The following NRG1 variants were observed in gnomAD, a reference collection of about 807,000 sequenced individuals.
NRG1 encodes neuregulin 1, also known as pro-neuregulin-1, membrane-bound isoform.
In NRG1, 18 loss-of-function variants were observed where a neutral mutation model predicts 63.8. That is an observed-to-expected ratio of 0.28 (90% CI 0.19 to 0.42). The LOEUF (loss-of-function observed/expected upper bound fraction) is 0.42, where lower values mean the gene tolerates loss of function less well. Ranked by LOEUF, NRG1 falls within the 10% of genes least tolerant of loss-of-function variation. The pLI is 1.00. For synonymous variants in NRG1, 302 were observed against 301.3 expected (o/e 1.00, Z -0.02); for missense variants, 762 against 814.7 (o/e 0.94, Z 0.79).
intron 1 of NRG1, among the ~76,000 whole-genome samples, chr8:31,814,317 T>A (rs1823223021): frequency 6.6e-6 from 1 of 152,192 alleles, no homozygotes; most frequent in Non-Finnish European, 1.5e-5. Flanking sequence ...GTGGGTCAGT[T>A]AGTTCTCCAG....
chr8:32,323,167 T>C (rs1170423295), intron 1 of NRG1, among the ~76,000 whole-genome samples: 5 of 152,124 alleles, frequency 3.3e-5, no homozygotes, highest in Non-Finnish European at 5.9e-5. Context: ...AGATTCCTCC[T>C]CCCTTCCCTC....
At chr8:31,656,187 T>A (rs1585439624) in intron 1 of NRG1, among the ~76,000 whole-genome samples, 1 of 152,154 alleles carries the variant, frequency 6.6e-6, no homozygotes, top group East Asian at 1.9e-4. Context: ...AACAGCCACC[T>A]TTAAAGGTGA....
At chr8:32,174,576 T>A (rs188292331) in intron 1 of NRG1, among the ~76,000 whole-genome samples, 237 of 152,206 alleles carry the variant, frequency 1.6e-3, no homozygotes, top group Middle Eastern at 3.4e-3. Flanking sequence ...ACAAAATTGA[T>A]AGACCACTAG....
At chr8:31,764,548 T>C (rs1817865640) in intron 1 of NRG1, among the ~76,000 whole-genome samples, 1 of 152,182 alleles carries the variant, frequency 6.6e-6, no homozygotes, top group Non-Finnish European at 1.5e-5. Context: ...TTTTCAAATA[T>C]ATTTAGCAAT....
chr8:32,745,724 G>A (rs1490946575), intron 7 of NRG1, among the ~76,000 whole-genome samples: 2 of 151,818 alleles, frequency 1.3e-5, no homozygotes, highest in Non-Finnish European at 2.9e-5. Context: ...GTGTATACAG[G>A]CACTCCATAA....
chr8:31,934,788 T>G (rs1325659841), intron 1 of NRG1, among the ~76,000 whole-genome samples: 2 of 152,180 alleles, frequency 1.3e-5, no homozygotes, highest in African/African-American at 4.8e-5. Context: ...TTTTTCTCAA[T>G]TAATTCCAGA....
At chr8:31,900,729 C>G (rs890462765) in intron 1 of NRG1, among the ~76,000 whole-genome samples, 4 of 152,164 alleles carry the variant, frequency 2.6e-5, no homozygotes, top group African/African-American at 4.8e-5. Context: ...CACTCCACCC[C>G]CTTTTCCCCG....
intron 5 of NRG1, among the ~76,000 whole-genome samples, chr8:32,674,137 T>C (rs1041284842): frequency 1.3e-5 from 2 of 152,222 alleles, no homozygotes; most frequent in Non-Finnish European, 2.9e-5. Context: ...ATTTTATATA[T>C]GTCTTTGTCT....
chr8:31,999,523 C>T lies in NRG1; in HGVS notation c.37+360092C>T, dbSNP rs142124134. Among the ~76,000 whole-genome samples the T allele has an allele frequency of 7.9e-5, 12 of 152,030 alleles. 1 individual carries two copies. The highest frequency in any genetic ancestry group is 2.6e-4 in the African/African-American group (11 of 41,516). ...ATGTAATATGCCCGGCATTCACCCT[C>T]GCGGAATTTAGACAGGAGGGATTGT... On this transcript the variant is annotated intron_variant, in intron 1 of 10. Transcript: ENST00000519301.
chr8:32,423,043 C>T (rs1418642323), intron 1 of NRG1, among the ~76,000 whole-genome samples: 1 of 152,176 alleles, frequency 6.6e-6, no homozygotes, highest in Admixed American at 6.5e-5. Context: ...CTGCACTCCC[C>T]ATGAAAGAGA....
upstream of NRG1, among the ~76,000 whole-genome samples, chr8:32,546,381 A>C (rs975245129): frequency 6.6e-6 from 1 of 152,210 alleles, no homozygotes; most frequent in Non-Finnish European, 1.5e-5. Flanking sequence ...CAGTCCTTCA[A>C]TTCTAACATA....
chr8:32,648,192 G>A (rs766314666), intron 5 of NRG1: 2 of 1,614,064 alleles, frequency 1.2e-6, no homozygotes, highest in South Asian at 1.1e-5. Context: ...TACAGTGCAA[G>A]GTGACAAGGC....
intron 8 of NRG1, among the ~76,000 whole-genome samples, chr8:32,755,881 G>A (rs1564116766): frequency 6.6e-6 from 1 of 151,776 alleles, no homozygotes; most frequent in East Asian, 1.9e-4. Context: ...TAGCTGGGAC[G>A]ACAGGTGCAC....
At chr8:31,685,336 A>G (rs564545191) in intron 1 of NRG1, among the ~76,000 whole-genome samples, 7 of 152,324 alleles carry the variant, frequency 4.6e-5, no homozygotes, top group Non-Finnish European at 1.0e-4. Flanking sequence ...TGAAGTATTT[A>G]TAGTGGAATA....
chr8:32,514,802 G>C (rs1350528010), intron 1 of NRG1, among the ~76,000 whole-genome samples: 2 of 151,738 alleles, frequency 1.3e-5, no homozygotes, highest in African/African-American at 4.8e-5. Context: ...AAATAAAACT[G>C]TTATTGATTG....
intron 1 of NRG1, among the ~76,000 whole-genome samples, chr8:32,381,509 G>C (rs1810347558): frequency 6.6e-6 from 1 of 152,038 alleles, no homozygotes; most frequent in Admixed American, 6.6e-5. Flanking sequence ...ATAAATACTT[G>C]ATAACAAAAT....
intron 1 of NRG1, among the ~76,000 whole-genome samples, chr8:32,133,236 G>C (rs915026877): frequency 6.6e-6 from 1 of 152,082 alleles, no homozygotes. Context: ...GTTAGAATCA[G>C]TGGTGTGCTG....
intron 1 of NRG1, among the ~76,000 whole-genome samples, chr8:32,534,457 G>A (rs933803225): frequency 1.3e-5 from 2 of 152,128 alleles, no homozygotes; most frequent in Admixed American, 6.5e-5. Flanking sequence ...CTTTGGACAG[G>A]ATTCTTGCCA....
At chr8:32,166,479 T>A (rs1444002488) in intron 1 of NRG1, among the ~76,000 whole-genome samples, 1 of 152,230 alleles carries the variant, frequency 6.6e-6, no homozygotes, top group African/African-American at 2.4e-5. Flanking sequence ...CTGTCAACAC[T>A]GTTTTAGCAG....
Sources: gnomAD v4.1 joint callset for allele counts (sites outside exome capture counted in the v4.1 genomes callset) on GRCh38, gnomAD v4.1.1 for gene constraint, MANE v1.5 for transcripts, NCBI Gene and HGNC (gene_info 2026-07-23, HGNC 2026-07-21) for gene names.